SYTL3: variants seen among roughly 807,000 people sequenced by gnomAD.
SYTL3 encodes synaptotagmin like 3, also known as synaptotagmin-like protein 3.
In SYTL3, 88 loss-of-function variants were observed where a neutral mutation model predicts 82.1. The ratio of observed to expected loss-of-function variants is 1.07; its 90% CI spans 0.90 to 1.28. The LOEUF is 1.28. Ranked by LOEUF, SYTL3 falls within the 50% of genes most tolerant of loss-of-function variation. The pLI is 0.00. For synonymous variants in SYTL3, 311 were observed against 289.4 expected (o/e 1.07, Z -0.76); for missense variants, 831 against 757.6 (o/e 1.10, Z -1.14).
At chr6:158,685,170 A>C (rs1268777317) in intron 6 of SYTL3, among the ~76,000 whole-genome samples, 1 of 150,894 alleles carries the variant, frequency 6.6e-6, no homozygotes, top group Non-Finnish European at 1.5e-5. Context: ...ACTGCAGCAC[A>C]GGACTTTTCT....
intron 6 of SYTL3, among the ~76,000 whole-genome samples, chr6:158,705,849 C>T (rs1027828271): frequency 6.6e-6 from 1 of 152,116 alleles, no homozygotes; most frequent in African/African-American, 2.4e-5. Context: ...TATTGCCGCC[C>T]GCAGACTGCT....
intron 10 of SYTL3, among the ~76,000 whole-genome samples, chr6:158,722,454 G>A (rs568953776): frequency 1.3e-5 from 2 of 152,244 alleles, no homozygotes; most frequent in African/African-American, 4.8e-5. Context: ...TGAGAAAACA[G>A]CTCAGGATCT....
intron 14 of SYTL3, 106 bp downstream of exon 14, chr6:158,757,487 C>A: frequency 1.6e-6 from 2 of 1,258,316 alleles, no homozygotes; most frequent in Non-Finnish European, 2.2e-6. Flanking sequence ...GACTTGGACC[C>A]AAGACTGTGT....
chr6:158,680,199 AT>A (rs1156349782), intron 5 of SYTL3, among the ~76,000 whole-genome samples: 1 of 152,160 alleles, frequency 6.6e-6, no homozygotes, highest in Non-Finnish European at 1.5e-5. Flanking sequence ...AGGCATGGGA[AT>A]TTACCACCCA....
At chr6:158,679,318 C>T (rs546605346) in intron 5 of SYTL3, among the ~76,000 whole-genome samples, 8 of 151,624 alleles carry the variant, frequency 5.3e-5, no homozygotes, top group African/African-American at 7.3e-5. Context: ...TGCAGTGAGC[C>T]GAGATTATGC....
chr6:158,655,306 T>C (rs1788550124), intron 2 of SYTL3, among the ~76,000 whole-genome samples: 1 of 152,150 alleles, frequency 6.6e-6, no homozygotes, highest in East Asian at 1.9e-4. Context: ...TACTTGAATA[T>C]GGGCTTCCTG....
intron 11 of SYTL3, 95 bp from the exon 12 acceptor site, chr6:158,745,385 G>C: frequency 9.2e-7 from 1 of 1,087,450 alleles, no homozygotes; most frequent in Non-Finnish European, 1.3e-6. Context: ...GATACATGCT[G>C]TATGAGTTTT....
intron 5 of SYTL3, among the ~76,000 whole-genome samples, chr6:158,667,128 G>A (rs1244129340): frequency 6.6e-6 from 1 of 152,112 alleles, no homozygotes; most frequent in Non-Finnish European, 1.5e-5. Context: ...TGCTGGGCAG[G>A]GTGTTACATT....
At chr6:158,735,586 T>A (rs1300998695) in intron 11 of SYTL3, among the ~76,000 whole-genome samples, 2 of 152,186 alleles carry the variant, frequency 1.3e-5, no homozygotes, top group African/African-American at 2.4e-5. Flanking sequence ...TGCCTTCCCT[T>A]CTGAGAAATA....
intron 14 of SYTL3, among the ~76,000 whole-genome samples, chr6:158,757,845 C>T (rs781494073): frequency 2.0e-5 from 3 of 152,160 alleles, no homozygotes; most frequent in African/African-American, 4.8e-5. Context: ...TGGCTGGACC[C>T]GATGCTGTGA....
intron 12 of SYTL3, among the ~76,000 whole-genome samples, chr6:158,751,061 G>A (rs931165877): frequency 1.3e-5 from 2 of 152,206 alleles, no homozygotes; most frequent in Non-Finnish European, 2.9e-5. Context: ...CTCCCAAAGT[G>A]CTGGGATTAT....
rs543373705 is a variant in SYTL3, at chr6:158,677,243, C to T, written c.330-5682C>T. Among the ~76,000 whole-genome samples, 14 of 152,160 alleles carry T rather than the reference C, an allele frequency of 9.2e-5. No individual in the cohort carries two copies. In the South Asian group the frequency reaches 2.9e-3, roughly 32 times the overall value. ...ATGCAGCCATAAAAAAGGATGAGTTCATGTCCTTTGTAGGGACATGGATGA... is the reference window on the plus strand; with the variant it reads ...ATGCAGCCATAAAAAAGGATGAGTTTATGTCCTTTGTAGGGACATGGATGA... On this transcript the variant is annotated intron_variant, in intron 5 of 17. Transcript: ENST00000611299.
At chr6:158,761,056 C>T (rs1293897321) in intron 15 of SYTL3, among the ~76,000 whole-genome samples, 1 of 152,100 alleles carries the variant, frequency 6.6e-6, no homozygotes, top group Non-Finnish European at 1.5e-5. Context: ...CGTGGCCCCT[C>T]CTGAAGAGCA....
At chr6:158,652,058 G>T (rs963692183) in intron 2 of SYTL3, among the ~76,000 whole-genome samples, 5 of 151,338 alleles carry the variant, frequency 3.3e-5, no homozygotes, top group Non-Finnish European at 5.9e-5. Flanking sequence ...CTCCCCGGTA[G>T]CTAGGATTAC....
chr6:158,761,590 G>A (rs977005958), intron 15 of SYTL3, among the ~76,000 whole-genome samples: 3 of 152,032 alleles, frequency 2.0e-5, no homozygotes, highest in East Asian at 3.9e-4. Flanking sequence ...TTACAGGCGT[G>A]AGCCACCACG....
At chr6:158,711,008 CTGATCTCG>C (rs1424915562) in intron 8 of SYTL3, among the ~76,000 whole-genome samples, 1 of 152,102 alleles carries the variant, frequency 6.6e-6, no homozygotes, top group Non-Finnish European at 1.5e-5. Flanking sequence ...TTTTGACCTC[CTGATCTCG>C]TGATCTGCCC....
chr6:158,725,003 C>T (rs1480096133), intron 10 of SYTL3, among the ~76,000 whole-genome samples: 1 of 152,004 alleles, frequency 6.6e-6, no homozygotes, highest in African/African-American at 2.4e-5. Context: ...GTGTGGGTGA[C>T]AGAGCAAGAC....
In SYTL3 at chr6:158,713,885, G is replaced by A. The variant is rs1408094837; in HGVS notation, c.595+7G>A. On this transcript the variant is annotated splice_region_variant and intron_variant, in intron 9 of 17. Transcript: ENST00000611299. ...CTTGCTACCCACGTGAAAAGTAAGT[G>A]CATGCTTCATGATGTGTTTTCCCAC... 3 of 1,546,274 alleles carry A rather than the reference G, an allele frequency of 1.9e-6. No homozygotes were observed. The highest frequency in any genetic ancestry group is 2.0e-5 in the Admixed American group (1 of 51,004).
At chr6:158,647,705 T>A (rs537525136), upstream of SYTL3, among the ~76,000 whole-genome samples, 1 of 152,266 alleles carries the variant, frequency 6.6e-6, no homozygotes, top group African/African-American at 2.4e-5. Flanking sequence ...ATCAGAAGCA[T>A]TGGAGCTCAG....
Sources: allele counts gnomAD v4.1 joint callset (sites outside exome capture counted in the v4.1 genomes callset), GRCh38; gene constraint gnomAD v4.1.1; transcripts MANE v1.5; gene names NCBI Gene and HGNC (gene_info 2026-07-23, HGNC 2026-07-21).